ANK2: variants seen among roughly 807,000 people sequenced by gnomAD.
ANK2 encodes the protein ankyrin 2.
A neutral mutation model predicts 360.5 loss-of-function variants in ANK2; 83 were observed. The ratio of observed to expected loss-of-function variants is 0.23; its 90% CI spans 0.19 to 0.28. ANK2 has a LOEUF of 0.28. Among genes scored for constraint, ANK2 ranks in the 10% least tolerant of loss-of-function variants. The pLI, the probability that ANK2 is intolerant of heterozygous loss-of-function variation, is 1.00. For synonymous variants in ANK2, 1,740 were observed against 1,759.5 expected (o/e 0.99, Z 0.28); for missense variants, 4,201 against 4,795.7 (o/e 0.88, Z 3.66).
At chr4:113,260,823 A>G (rs182376533) in intron 13 of ANK2, among the ~76,000 whole-genome samples, 1 of 152,310 alleles carries the variant, frequency 6.6e-6, no homozygotes, top group East Asian at 1.9e-4. Flanking sequence ...ACTGGATCCA[A>G]AATTCTTTGC....
At chr4:113,104,010 C>A (rs2093305456) in intron 1 of ANK2, among the ~76,000 whole-genome samples, 1 of 152,022 alleles carries the variant, frequency 6.6e-6, no homozygotes, top group Non-Finnish European at 1.5e-5. Context: ...TTTTAAAATA[C>A]CAAGGGTCTC....
Position 113,359,229 on chromosome 4 carries a change from C to T in ANK2, c.10611C>T (p.Pro3537=), listed in dbSNP as rs1440747654. ...SVPEDIFDTR[P]IWDESIETLI... is the part of the protein sequence containing the mutation. ...CTGAGGACATCTTTGACACAAGGCC[C>T]ATTTGGGATGAGTCTATTGAGACTC... The change falls in exon 38 of 46, where the codon CCC becomes CCT. Residue 3537 remains proline, a synonymous_variant. Coordinates refer to ENST00000357077, the MANE Select transcript of ANK2 (RefSeq NM_001148.6). 1.2e-6 allele frequency: 2 copies of T among 1,613,748 alleles called. No homozygotes were observed. The highest frequency in any genetic ancestry group is 2.2e-5 in the South Asian group (2 of 91,010).
At chr4:113,005,612 G>C in intron 2 of ANK2, among the ~76,000 whole-genome samples, 1 of 152,184 alleles carries the variant, frequency 6.6e-6, no homozygotes, top group East Asian at 1.9e-4. Flanking sequence ...AGGATGAAGA[G>C]AGATTGGTTA....
intron 1 of ANK2, among the ~76,000 whole-genome samples, chr4:113,051,481 A>G (rs2066979407): frequency 6.6e-6 from 1 of 152,218 alleles, no homozygotes; most frequent in Non-Finnish European, 1.5e-5. Flanking sequence ...TTTCTCAAAT[A>G]AATTTATTTT....
At chr4:113,090,941 T>A (rs1302982979) in intron 1 of ANK2, among the ~76,000 whole-genome samples, 1 of 152,208 alleles carries the variant, frequency 6.6e-6, no homozygotes, top group Non-Finnish European at 1.5e-5. Context: ...GATTCAAACA[T>A]GCCTCTGACG....
chr4:113,250,247 A>G (rs1374691603), intron 10 of ANK2, among the ~76,000 whole-genome samples: 1 of 152,242 alleles, frequency 6.6e-6, no homozygotes, highest in African/African-American at 2.4e-5. Context: ...TTAGCAACAC[A>G]AAATGAATCT....
In ANK2 at chr4:113,232,214, A is replaced by G. The variant is rs768531392; in HGVS notation, c.438A>G (p.Val146=). 1.7e-5 allele frequency: 28 copies of G among 1,608,284 alleles called. No individual in the cohort carries two copies. The East Asian group carries it at 6.0e-4, about 35-fold the overall frequency. The change falls in exon 5 of 46, where the codon GTA becomes GTG. Residue 146 remains valine, a synonymous_variant. Coordinates refer to ENST00000357077, the MANE Select transcript of ANK2 (RefSeq NM_001148.6). ...CCCAAGAGAATCACATTGATGTTGT[A>G]AAATATTTGCTGGAAAATGGAGCTA... ...MAAQENHIDV[V]KYLLENGANQ...
chr4:113,173,559 G>A (rs1446860000), intron 1 of ANK2, among the ~76,000 whole-genome samples: 1 of 152,100 alleles, frequency 6.6e-6, no homozygotes. Flanking sequence ...TTATGTTAAG[G>A]TTTAAAAGTC....
intron 2 of ANK2, among the ~76,000 whole-genome samples, chr4:113,005,577 T>G (rs1460964761): frequency 6.6e-6 from 1 of 152,002 alleles, no homozygotes; most frequent in African/African-American, 2.4e-5. Context: ...TACCAGAGAC[T>G]GTGAGGGGTG....
At chr4:112,979,192 G>T (rs1166965682) in intron 2 of ANK2, among the ~76,000 whole-genome samples, 3 of 152,216 alleles carry the variant, frequency 2.0e-5, no homozygotes, top group Admixed American at 2.0e-4. Flanking sequence ...CAGGTGCAGA[G>T]TGGCGAGGGG....
chr4:112,909,975 G>C (rs1340158415), intron 2 of ANK2, among the ~76,000 whole-genome samples: 1 of 151,952 alleles, frequency 6.6e-6, no homozygotes, highest in Non-Finnish European at 1.5e-5. Context: ...ATTAATTAAG[G>C]TTACAACAGT....
At chr4:113,376,666 CTT>C (rs915906243) in intron 45 of ANK2, among the ~76,000 whole-genome samples, 1 of 152,070 alleles carries the variant, frequency 6.6e-6, no homozygotes, top group Non-Finnish European at 1.5e-5. Context: ...ACTTTTGACT[CTT>C]TTGTAATAAC....
intron 2 of ANK2, chr4:112,980,323 G>C (rs1168292109): frequency 6.5e-6 from 1 of 152,672 alleles, no homozygotes; most frequent in Admixed American, 6.5e-5. Context: ...AGGTGGAGGG[G>C]CTTACCTGGG....
intron 1 of ANK2, among the ~76,000 whole-genome samples, chr4:113,159,061 T>C (rs561474268): frequency 6.6e-6 from 1 of 152,262 alleles, no homozygotes; most frequent in East Asian, 1.9e-4. Flanking sequence ...TTGGCTGATA[T>C]ATTTTAGGCA....
intron 2 of ANK2, among the ~76,000 whole-genome samples, chr4:113,029,315 T>A (rs115900323): frequency 0.013 from 1,928 of 151,962 alleles, 45 homozygotes; most frequent in African/African-American, 0.044. Context: ...ACTCACTACA[T>A]CCTCTAACTC....
At chr4:113,215,575 G>A (rs2099076489) in intron 4 of ANK2, among the ~76,000 whole-genome samples, 1 of 152,134 alleles carries the variant, frequency 6.6e-6, no homozygotes, top group African/African-American at 2.4e-5. Flanking sequence ...CATCTTTTGT[G>A]ATTAGCAGCA....
intron 2 of ANK2, among the ~76,000 whole-genome samples, chr4:112,946,568 C>G (rs1190640720): frequency 6.6e-6 from 1 of 152,306 alleles, no homozygotes; most frequent in East Asian, 1.9e-4. Flanking sequence ...CAATCAGATG[C>G]AGCTGTCCAT....
the ANK2 span, among the ~76,000 whole-genome samples, chr4:112,811,948 G>A: frequency 6.6e-5 from 10 of 151,288 alleles, no homozygotes; most frequent in Non-Finnish European, 1.2e-4. Flanking sequence ...AGTGGCGGGC[G>A]CCTGTAGTCC....
In ANK2 at chr4:113,353,453, C is replaced by T. The variant is rs765274871; in HGVS notation, c.4835C>T (p.Thr1612Ile). 3.3e-5 allele frequency: 53 copies of T among 1,613,984 alleles called. 1 individual carries two copies. The Middle Eastern group carries it at 4.3e-3, about 131-fold the overall frequency. Residue 1612 changes from threonine to isoleucine, a missense_variant, in exon 38 of 46, where the codon ACT becomes ATT. By Grantham distance (89) the Thr-to-Ile change is moderately conservative. Transcript: ENST00000357077. Reference sequence around the variant, plus strand: ...AGGCAAAAAGCACCTTTAGAAATCACTGAATATCCATGTGTAGAAGTTAGA... The same window carrying T: ...AGGCAAAAAGCACCTTTAGAAATCATTGAATATCCATGTGTAGAAGTTAGA... Reference protein sequence around the residue: ...EARQKAPLEITEYPCVEVRID... With the variant: ...EARQKAPLEIIEYPCVEVRID...
Sources: allele counts gnomAD v4.1 joint callset (sites outside exome capture counted in the v4.1 genomes callset), GRCh38; gene constraint gnomAD v4.1.1; transcripts MANE v1.5; gene names NCBI Gene and HGNC (gene_info 2026-07-23, HGNC 2026-07-21).